Variants in AP3S1 observed in about 807,000 individuals in gnomAD.
AP3S1 encodes adaptor related protein complex 3 subunit sigma 1, also known as AP-3 complex subunit sigma-1.
A neutral mutation model predicts 21.3 loss-of-function variants in AP3S1; 12 were observed. That is an observed-to-expected ratio of 0.56 (90% CI 0.36 to 0.91). The LOEUF is 0.91. Among genes scored for constraint, AP3S1 ranks in the 40% least tolerant of loss-of-function variants. AP3S1 has a pLI of 0.01. For synonymous variants in AP3S1, 48 were observed against 78.4 expected (o/e 0.61, Z 2.05); for missense variants, 116 against 225.0 (o/e 0.52, Z 3.10).
At chr5:115,872,052 A>C (rs1249591397) in intron 3 of AP3S1, among the ~76,000 whole-genome samples, 2 of 152,134 alleles carry the variant, frequency 1.3e-5, no homozygotes, top group Non-Finnish European at 2.9e-5. Flanking sequence ...GGTAGTTCAC[A>C]CCTGTAATCC....
chr5:115,872,596 G>T (rs1748365583), intron 3 of AP3S1, among the ~76,000 whole-genome samples: 1 of 152,106 alleles, frequency 6.6e-6, no homozygotes, highest in Non-Finnish European at 1.5e-5. Context: ...TGAGCTTGAG[G>T]TAAAGGTGCC....
chr5:115,871,222 A>G (rs573014518), intron 3 of AP3S1, among the ~76,000 whole-genome samples: 7 of 152,358 alleles, frequency 4.6e-5, no homozygotes, highest in African/African-American at 1.7e-4. Flanking sequence ...AAGACAGTCA[A>G]TGCCTCTGCT....
chr5:115,907,385 G>T (rs182847097), intron 5 of AP3S1, among the ~76,000 whole-genome samples: 127 of 152,242 alleles, frequency 8.3e-4, no homozygotes, highest in Middle Eastern at 3.4e-3. Context: ...GCTTAGAATA[G>T]TGACTGTTAA....
chr5:115,890,533 A>T (rs538838972), intron 3 of AP3S1, among the ~76,000 whole-genome samples: 1 of 152,308 alleles, frequency 6.6e-6, no homozygotes, highest in Admixed American at 6.5e-5. Context: ...GAAGGCTTCT[A>T]TAATGCTGGT....
chr5:115,866,930 A>C (rs1763667796), intron 2 of AP3S1, among the ~76,000 whole-genome samples, 169 bp downstream of exon 2: 1 of 152,130 alleles, frequency 6.6e-6, no homozygotes, highest in Non-Finnish European at 1.5e-5. Context: ...TTTTTAAAAG[A>C]TATGCAATCT....
chr5:115,903,580 A>G (rs1751395260), intron 5 of AP3S1: 1 of 152,626 alleles, frequency 6.6e-6, no homozygotes, highest in African/African-American at 2.4e-5. Flanking sequence ...ATTAGTACAT[A>G]TATATCCATG....
intron 4 of AP3S1, among the ~76,000 whole-genome samples, chr5:115,897,637 G>A (rs1157779686): frequency 6.6e-6 from 1 of 151,060 alleles, no homozygotes; most frequent in Non-Finnish European, 1.5e-5. Context: ...TCGGCTTAAT[G>A]CAAGCTCCAC....
intron 1 of AP3S1, among the ~76,000 whole-genome samples, chr5:115,842,966 A>T (rs1222011230): frequency 6.9e-6 from 1 of 144,714 alleles, no homozygotes; most frequent in Non-Finnish European, 1.5e-5. Context: ...TATGAAGAAT[A>T]GTAGCATTTG....
intron 3 of AP3S1, among the ~76,000 whole-genome samples, chr5:115,874,525 T>C (rs974878098): frequency 6.6e-5 from 10 of 152,110 alleles, no homozygotes; most frequent in Non-Finnish European, 1.2e-4. Context: ...ATCAGTCTTA[T>C]TCAGTTGTAG....
chr5:115,868,619 C>T (rs1265063076), intron 2 of AP3S1, among the ~76,000 whole-genome samples: 3 of 151,956 alleles, frequency 2.0e-5, no homozygotes, highest in Non-Finnish European at 4.4e-5. Context: ...CAGTGGCTCA[C>T]GCCTGTAATC....
intron 3 of AP3S1, among the ~76,000 whole-genome samples, chr5:115,871,654 C>G (rs927035748): frequency 6.6e-6 from 1 of 152,134 alleles, no homozygotes; most frequent in Middle Eastern, 3.4e-3. Flanking sequence ...GAACTCCTTG[C>G]CCACACCCAT....
chr5:115,886,818 C>A (rs1749824295), intron 3 of AP3S1, among the ~76,000 whole-genome samples: 1 of 152,112 alleles, frequency 6.6e-6, no homozygotes, highest in Non-Finnish European at 1.5e-5. Flanking sequence ...ATTATTATGA[C>A]ATGATATAGA....
rs1036932935 is a variant in AP3S1 at position 115,881,941 on chromosome 5, C to G, written c.273+11813C>G. On this transcript the variant is annotated intron_variant, in intron 3 of 5. Coordinates refer to ENST00000316788, the MANE Select transcript of AP3S1 (RefSeq NM_001284.4). ...CTAATCTTGTCTCCAAGCTTTATTT[C>G]ATTAAGTTGAGCTTCAATCTCCGAT... 1.4e-4 allele frequency among the ~76,000 whole-genome samples: 21 copies of G among 151,832 alleles called. 1 individual carries two copies. The highest frequency in any genetic ancestry group is 5.1e-4 in the African/African-American group (21 of 41,402).
intron 1 of AP3S1, among the ~76,000 whole-genome samples, chr5:115,843,255 TA>T (rs2112752984): frequency 6.6e-6 from 1 of 152,364 alleles, no homozygotes; most frequent in East Asian, 1.9e-4. Flanking sequence ...CTAACACTTT[TA>T]TGCAGATAAG....
intron 3 of AP3S1, among the ~76,000 whole-genome samples, chr5:115,870,561 A>G (rs1461163548): frequency 6.6e-6 from 1 of 152,176 alleles, no homozygotes. Context: ...TGCTTCCCTG[A>G]TGATACTACG....
At chr5:115,900,423 C>G (rs145043281) in intron 4 of AP3S1, among the ~76,000 whole-genome samples, 1 of 152,178 alleles carries the variant, frequency 6.6e-6, no homozygotes, top group Admixed American at 6.5e-5. Context: ...TGACCTACCC[C>G]GTCATAGGCT....
chr5:115,892,326 A>T (rs952190390), intron 3 of AP3S1, among the ~76,000 whole-genome samples: 4 of 152,214 alleles, frequency 2.6e-5, no homozygotes, highest in Non-Finnish European at 5.9e-5. Context: ...AAAAGAAAAG[A>T]AATCAGTGTG....
At chr5:115,898,429 C>G (rs999184200) in intron 4 of AP3S1, among the ~76,000 whole-genome samples, 3 of 152,168 alleles carry the variant, frequency 2.0e-5, no homozygotes, top group African/African-American at 4.8e-5. Context: ...AGTAGTGGGA[C>G]AGACCCACCC....
chr5:115,902,307 T>G (rs553817869), intron 4 of AP3S1, among the ~76,000 whole-genome samples: 1 of 152,220 alleles, frequency 6.6e-6, no homozygotes, highest in Non-Finnish European at 1.5e-5. Context: ...TTTTTAGTCA[T>G]TGTAAGATGT....
Sources: gnomAD v4.1 joint callset for allele counts (sites outside exome capture counted in the v4.1 genomes callset) on GRCh38, gnomAD v4.1.1 for gene constraint, MANE v1.5 for transcripts, NCBI Gene and HGNC (gene_info 2026-07-23, HGNC 2026-07-21) for gene names.